TET3: variants seen among roughly 807,000 people sequenced by gnomAD.
The protein encoded by TET3 is tet methylcytosine dioxygenase 3.
Under a neutral mutation model 141.4 loss-of-function variants are expected in TET3, and 19 were observed. That is an observed-to-expected ratio of 0.13 (90% CI 0.09 to 0.20). The LOEUF is 0.20. Among genes scored for constraint, TET3 ranks in the 10% least tolerant of loss-of-function variants. The pLI is 1.00. For missense variants in TET3, 1,874 were observed against 2,356.9 expected, an observed-to-expected ratio of 0.80 and a Z score of 4.24; for synonymous variants, 1,043 against 980.9, an observed-to-expected ratio of 1.06 and a Z score of -1.18.
chr2:74,045,975 T>G (rs1687598323), intron 3 of TET3, among the ~76,000 whole-genome samples: 1 of 152,226 alleles, frequency 6.6e-6, no homozygotes, highest in Non-Finnish European at 1.5e-5. Flanking sequence ...GTCTCTGGTT[T>G]TAGGAGAGCC....
In TET3 at chr2:74,047,006, C is replaced by T. The variant is rs763323235; in HGVS notation, c.1089C>T (p.Leu363=). 13 of 1,613,876 alleles carry T rather than the reference C, an allele frequency of 8.1e-6. No homozygotes were observed. The highest frequency in any genetic ancestry group is 5.1e-6 in the Non-Finnish European group (6 of 1,179,888). Residue 363 remains leucine, a synonymous_variant, in exon 4 of 12, where the codon CTC becomes CTT. Transcript: ENST00000409262. The part of the protein sequence containing the change: ...SLQTAIAIEA[L]TQLSSALPQP... The stretch of plus-strand genomic sequence containing the variant: ...AGACCGCCATTGCCATTGAGGCCCT[C>T]ACACAGCTCTCCTCTGCCCTCCCGC...
intron 4 of TET3, among the ~76,000 whole-genome samples, chr2:74,062,350 G>A (rs1376119492): frequency 3.3e-5 from 5 of 152,264 alleles, no homozygotes; most frequent in Admixed American, 6.5e-5. Flanking sequence ...TTGTAGTATG[G>A]AGAGGCTGGC....
At chr2:74,055,039 G>C (rs1688141202) in intron 4 of TET3, among the ~76,000 whole-genome samples, 1 of 152,028 alleles carries the variant, frequency 6.6e-6, no homozygotes, top group Non-Finnish European at 1.5e-5. Context: ...AGGACTACAG[G>C]CATGCACCAC....
At chr2:74,120,309 G>A in the TET3 span, among the ~76,000 whole-genome samples, 1 of 152,194 alleles carries the variant, frequency 6.6e-6, no homozygotes, top group African/African-American at 2.4e-5. Context: ...GGCAGGGGGC[G>A]ACCTCTCGGC....
rs898352103 is a variant in TET3, at chr2:73,989,007, T to TG, written c.303+2301_303+2302insG. On this transcript the variant is annotated intron_variant, in intron 2 of 11. Coordinates refer to ENST00000409262, the MANE Select transcript of TET3 (RefSeq NM_001287491.2). ...AAAAAAAAGTTTTTTTTGTTTTTTT[T>TG]TTTTTTTGGTCCATGAAGGCTGAAT... 1.1e-4 allele frequency among the ~76,000 whole-genome samples: 17 copies of TG among 149,732 alleles called. 1 individual carries two copies. The highest frequency in any genetic ancestry group is 3.2e-4 in the African/African-American group (13 of 40,460).
At position 74,070,908 on chromosome 2, in the gene TET3, G is replaced by A. The variant is rs991572975; in HGVS notation, c.2495-2641G>A. Among the ~76,000 whole-genome samples the A allele has an allele frequency of 1.1e-4, 17 of 152,170 alleles. No individual in the cohort carries two copies. The South Asian group carries it at 1.7e-3, about 15-fold the overall frequency. On this transcript the variant is annotated intron_variant, in intron 4 of 11. Transcript: ENST00000409262. ...GAGGATCACTTGACCCTGGGAGGTC[G>A]AAGCTGCAGTAAGCTGTGATCATGC...
chr2:74,100,845 A>C lies in TET3; in HGVS notation c.4057A>C (p.Thr1353Pro), dbSNP rs1572904670. 1 of 1,610,570 alleles carries C rather than the reference A, an allele frequency of 6.2e-7. No homozygotes were observed. The highest frequency in any genetic ancestry group is 8.5e-7 in the Non-Finnish European group (1 of 1,178,808). Residue 1353 changes from threonine to proline, a missense_variant, in exon 12 of 12, where the codon ACT (threonine) becomes CCT (proline). By Grantham distance (38) the Thr-to-Pro change is conservative. Around this residue, in one of 10 missense-constraint regions of TET3, gnomAD observed 602 missense variants for 590.2 expected, o/e 1.02. Transcript: ENST00000409262. ...QAVPTDAHHPTPHHQQPAYPG... is the reference protein window; with the variant it reads ...QAVPTDAHHPPPHHQQPAYPG... ...TGTTCCCACAGACGCCCACCACCCC[A>C]CTCCTCACCACCAGCAGCCTGCGTA...
In TET3 at chr2:73,986,531, A is replaced by G; in HGVS notation, c.128A>G (p.Gln43Arg). ...CTCTCCATGGCTGGGAGTGAGTCCC[A>G]ACTCCGAGGGGGTGGAGATGGTCGA... is the stretch of plus-strand genomic sequence containing the variant. Reference protein sequence around the residue: ...SGLSMAGSESQLRGGGDGRKK... With the variant: ...SGLSMAGSESRLRGGGDGRKK... The change falls in exon 2 of 12, where the codon CAA becomes CGA. Residue 43 changes from glutamine (Q) to arginine (R), a missense_variant. Gln to Arg is a conservative substitution (Grantham distance 43). Around this residue, in one of 10 missense-constraint regions of TET3, gnomAD observed 366 missense variants for 487.0 expected, o/e 0.75. Coordinates refer to ENST00000409262, the MANE Select transcript of TET3 (RefSeq NM_001287491.2). 1 of 1,232,168 alleles carries G rather than the reference A, an allele frequency of 8.1e-7. No homozygotes were observed. The highest frequency in any genetic ancestry group is 1.0e-6 in the Non-Finnish European group (1 of 988,048). 76.3% of individuals were successfully genotyped at this position (1,232,168 alleles called of 1,614,324 possible).
chr2:74,115,693 A>G, the TET3 span, among the ~76,000 whole-genome samples: 3 of 152,176 alleles, frequency 2.0e-5, no homozygotes, highest in African/African-American at 7.2e-5. Context: ...TCTATAAATT[A>G]AAAATAAATA....
chr2:74,102,425 T>A lies in TET3; in HGVS notation c.*249T>A. On this transcript the variant is annotated 3_prime_UTR_variant, in exon 12 of 12. Coordinates refer to ENST00000409262, the MANE Select transcript of TET3 (RefSeq NM_001287491.2). Reference sequence around the variant, plus strand: ...GCTGTCGGGTGATTTTTCCGTGATCTTAATATTTATATCTCCAAGTTGTCC... The same window carrying A: ...GCTGTCGGGTGATTTTTCCGTGATCATAATATTTATATCTCCAAGTTGTCC... 2.6e-6 allele frequency: 1 copy of A among 380,860 alleles called. No individual in the cohort carries two copies. Among genetic ancestry groups the A allele is most frequent in the Middle Eastern group, 7.4e-4 (1 of 1,356 alleles). The allele number at this position is 380,860 out of a possible 1,614,324, so 23.6% of individuals were successfully genotyped here.
chr2:74,054,681 A>C (rs774094023), intron 4 of TET3, among the ~76,000 whole-genome samples: 31 of 152,318 alleles, frequency 2.0e-4, no homozygotes, highest in Admixed American at 1.3e-3. Context: ...GCTTTGAAGA[A>C]AGTGTGGAAA....
intron 4 of TET3, among the ~76,000 whole-genome samples, chr2:74,071,540 T>C (rs923718487): frequency 1.3e-5 from 2 of 152,258 alleles, no homozygotes; most frequent in Non-Finnish European, 2.9e-5. Flanking sequence ...ACCCTTTATA[T>C]ACTTTCTCTT....
At position 74,099,596 on chromosome 2, in the gene TET3, C is replaced by T. The variant is rs749341603; in HGVS notation, c.3588C>T (p.Gly1196=). 10 of 1,581,354 alleles carry T rather than the reference C, an allele frequency of 6.3e-6. No homozygotes were observed. Among genetic ancestry groups the T allele is most frequent in the African/African-American group, 1.3e-5 (1 of 74,166 alleles). Residue 1196 remains glycine (G), a synonymous_variant, in exon 11 of 12, where the codon GGC becomes GGT. Coordinates refer to ENST00000409262, the MANE Select transcript of TET3 (RefSeq NM_001287491.2). ...AGCAGGAGGCCCTGGAGCTGGCGGG[C>T]ATTACGTCGGACCCAGGTGTGTGGG... ...KIKQEALELA[G]ITSDPGLSLK...
intron 10 of TET3, among the ~76,000 whole-genome samples, chr2:74,097,263 A>G (rs1572897342): frequency 1.3e-5 from 2 of 151,490 alleles, no homozygotes; most frequent in African/African-American, 4.8e-5. Flanking sequence ...TCATCTAAAC[A>G]CTAACAATGA....
intron 5 of TET3, among the ~76,000 whole-genome samples, chr2:74,076,000 G>GTTTGATCTGGGGCAGGTTT (rs1337733309): frequency 1.3e-5 from 2 of 152,174 alleles, no homozygotes; most frequent in African/African-American, 4.8e-5. Flanking sequence ...AAATGTACAA[G>GTTTGATCTGGGGCAGGTTT]TTTGATCTGG....
intron 4 of TET3, among the ~76,000 whole-genome samples, chr2:74,050,664 C>T (rs1687897623): frequency 6.6e-6 from 1 of 152,102 alleles, no homozygotes; most frequent in Non-Finnish European, 1.5e-5. Context: ...ATCCTCCCAC[C>T]TCAGTCTCCC....
the TET3 span, among the ~76,000 whole-genome samples, chr2:74,127,108 G>T: frequency 5.9e-5 from 9 of 152,164 alleles, no homozygotes; most frequent in African/African-American, 2.2e-4. Context: ...GTAGAAAAAT[G>T]AGCTGCTTGC....
intron 4 of TET3, among the ~76,000 whole-genome samples, chr2:74,067,172 A>G (rs755427544): frequency 3.3e-5 from 5 of 151,142 alleles, no homozygotes; most frequent in African/African-American, 4.9e-5. Flanking sequence ...CTGTAATTCT[A>G]TTTTATGGTT....
At chr2:74,122,172 T>C in the TET3 span, 1 of 152,028 alleles carries the variant, frequency 6.6e-6, no homozygotes, top group East Asian at 1.9e-4. Context: ...AATCTTCAAA[T>C]GGGAGATACA....
Sources: allele counts gnomAD v4.1 joint callset (sites outside exome capture counted in the v4.1 genomes callset), GRCh38; gene constraint gnomAD v4.1.1; regional missense constraint gnomAD v4.1.1; transcripts MANE v1.5; gene names NCBI Gene and HGNC (gene_info 2026-07-23, HGNC 2026-07-21).